Variants in PPARGC1A observed in about 807,000 individuals in gnomAD.
The protein encoded by PPARGC1A is peroxisome proliferator-activated receptor gamma coactivator 1-alpha.
A neutral mutation model predicts 88.7 loss-of-function variants in PPARGC1A; 25 were observed. That is an observed-to-expected ratio of 0.28 (90% CI 0.21 to 0.39). The LOEUF is 0.39. Ranked by LOEUF, PPARGC1A falls within the 10% of genes least tolerant of loss-of-function variation. PPARGC1A has a pLI of 1.00. For missense variants in PPARGC1A, 880 were observed against 968.7 expected (o/e 0.91, Z 1.22); for synonymous variants, 363 against 355.6 (o/e 1.02, Z -0.24).
chr4:23,931,181 T>G, the PPARGC1A span, among the ~76,000 whole-genome samples: 4 of 152,162 alleles, frequency 2.6e-5, no homozygotes, highest in African/African-American at 9.7e-5. Flanking sequence ...CCCTGTCCCC[T>G]CCACAGTTGA....
chr4:23,911,737 C>G, the PPARGC1A span, among the ~76,000 whole-genome samples: 3 of 151,968 alleles, frequency 2.0e-5, no homozygotes, highest in Non-Finnish European at 4.4e-5. Flanking sequence ...TATATATATA[C>G]TAACATGCAT....
At chr4:23,962,799 A>G in the PPARGC1A span, among the ~76,000 whole-genome samples, 1 of 152,078 alleles carries the variant, frequency 6.6e-6, no homozygotes, top group African/African-American at 2.4e-5. Context: ...TTCCATTTCA[A>G]TTGTCTCCTA....
At chr4:24,314,481 C>G in the PPARGC1A span, among the ~76,000 whole-genome samples, 4 of 152,174 alleles carry the variant, frequency 2.6e-5, no homozygotes, top group Non-Finnish European at 5.9e-5. Flanking sequence ...TCTTACCAGA[C>G]CAAATTAGCC....
chr4:24,292,442 G>C, the PPARGC1A span, among the ~76,000 whole-genome samples: 1 of 151,622 alleles, frequency 6.6e-6, no homozygotes, highest in Non-Finnish European at 1.5e-5. Context: ...GCATCAGGAA[G>C]GTTTCCCTCA....
the PPARGC1A span, among the ~76,000 whole-genome samples, chr4:24,172,539 A>T: frequency 1.3e-5 from 2 of 152,248 alleles, no homozygotes; most frequent in African/African-American, 4.8e-5. Flanking sequence ...CCCAGGGAGG[A>T]GAGTAGAGGG....
chr4:24,064,439 A>C, the PPARGC1A span, among the ~76,000 whole-genome samples: 1 of 152,046 alleles, frequency 6.6e-6, no homozygotes, highest in African/African-American at 2.4e-5. Context: ...ATTGCCCTGG[A>C]TGCACACCAC....
chr4:24,466,910 A>C, the PPARGC1A span, among the ~76,000 whole-genome samples: 1 of 141,472 alleles, frequency 7.1e-6, no homozygotes, highest in Non-Finnish European at 1.6e-5. Flanking sequence ...AGAGGAAGGA[A>C]GGAAGGAAGG....
the PPARGC1A span, among the ~76,000 whole-genome samples, chr4:24,126,907 A>T: frequency 6.6e-6 from 1 of 151,928 alleles, no homozygotes; most frequent in Non-Finnish European, 1.5e-5. Context: ...CATCACGAGG[A>T]CTTCCCAGAC....
At chr4:24,158,218 C>A in the PPARGC1A span, among the ~76,000 whole-genome samples, 1 of 152,154 alleles carries the variant, frequency 6.6e-6, no homozygotes, top group South Asian at 2.1e-4. Context: ...CAATAGACAT[C>A]TCCCCAGGGC....
At chr4:24,186,787 A>G in the PPARGC1A span, among the ~76,000 whole-genome samples, 1 of 152,052 alleles carries the variant, frequency 6.6e-6, no homozygotes, top group African/African-American at 2.4e-5. Flanking sequence ...CAGGGCTGCC[A>G]GGAGAGAACA....
intron 2 of PPARGC1A, among the ~76,000 whole-genome samples, chr4:23,882,474 TGTTTAGCAGC>T (rs1389988736): frequency 6.6e-6 from 1 of 152,150 alleles, no homozygotes; most frequent in East Asian, 1.9e-4. Context: ...GGCTGTTGGA[TGTTTAGCAGC>T]ATTCCTTGTC....
chr4:24,276,850 C>T, the PPARGC1A span, among the ~76,000 whole-genome samples: 2 of 152,160 alleles, frequency 1.3e-5, no homozygotes, highest in African/African-American at 2.4e-5. Context: ...ATGGAGCACA[C>T]GTGAGTAGAC....
At chr4:23,941,408 TG>T in the PPARGC1A span, among the ~76,000 whole-genome samples, 2 of 152,080 alleles carry the variant, frequency 1.3e-5, no homozygotes, top group African/African-American at 2.4e-5. Context: ...AACTATTTTG[TG>T]GGAGGGAAAG....
chr4:23,815,197 G>A (rs1009098987), intron 7 of PPARGC1A, among the ~76,000 whole-genome samples: 10 of 151,776 alleles, frequency 6.6e-5, no homozygotes, highest in African/African-American at 2.2e-4. Context: ...CAACTTCAAA[G>A]TAAGTTCAGT....
At chr4:24,255,995 T>C in the PPARGC1A span, among the ~76,000 whole-genome samples, 3 of 152,210 alleles carry the variant, frequency 2.0e-5, no homozygotes, top group East Asian at 5.8e-4. Context: ...TGACACCTGA[T>C]GCCTTTCAAA....
the PPARGC1A span, among the ~76,000 whole-genome samples, chr4:24,322,672 A>C: frequency 6.6e-6 from 1 of 152,204 alleles, no homozygotes; most frequent in Non-Finnish European, 1.5e-5. Flanking sequence ...AAGCCAACTG[A>C]TATCACATTG....
chr4:24,437,665 T>C, the PPARGC1A span, among the ~76,000 whole-genome samples: 1 of 151,954 alleles, frequency 6.6e-6, no homozygotes, highest in East Asian at 1.9e-4. Context: ...GGGGGTTTTT[T>C]TCTTTCTTTT....
the PPARGC1A span, among the ~76,000 whole-genome samples, chr4:24,126,456 G>T: frequency 5.9e-5 from 9 of 152,168 alleles, no homozygotes; most frequent in African/African-American, 2.2e-4. Flanking sequence ...AGTTTATTTG[G>T]GATGTGTGAC....
chr4:23,813,216 A>G (rs1322081383), intron 8 of PPARGC1A, 91 bp from the exon 9 acceptor site: 25 of 1,064,244 alleles, frequency 2.3e-5, no homozygotes, highest in East Asian at 4.8e-5. Context: ...GGGACACTGT[A>G]TTACAGAGAC....
Sources: gnomAD v4.1 joint callset for allele counts (sites outside exome capture counted in the v4.1 genomes callset) on GRCh38, gnomAD v4.1.1 for gene constraint, MANE v1.5 for transcripts, NCBI Gene and HGNC (gene_info 2026-07-23, HGNC 2026-07-21) for gene names.